Variants in ACOXL observed in about 807,000 individuals in gnomAD.
ACOXL encodes the protein acyl-CoA oxidase like.
A neutral mutation model predicts 71.9 loss-of-function variants in ACOXL; 70 were observed. The observed-to-expected ratio is 0.97, with a 90% CI of 0.80 to 1.19. ACOXL has a LOEUF of 1.19. Ranked by LOEUF, ACOXL falls within the 50% of genes most tolerant of loss-of-function variation. ACOXL has a pLI of 0.00. For synonymous variants in ACOXL, 253 were observed against 281.6 expected (o/e 0.90, Z 1.02); for missense variants, 703 against 736.3 (o/e 0.95, Z 0.52).
At chr2:110,832,499 C>G (rs1427838709) in intron 9 of ACOXL, among the ~76,000 whole-genome samples, 3 of 147,908 alleles carry the variant, frequency 2.0e-5, no homozygotes, top group Non-Finnish European at 4.4e-5. Flanking sequence ...GATTGCGCCA[C>G]TGCAGTCCGC....
chr2:110,861,634 A>C (rs1040823732), intron 10 of ACOXL, among the ~76,000 whole-genome samples: 49 of 152,212 alleles, frequency 3.2e-4, no homozygotes, highest in African/African-American at 1.1e-3. Flanking sequence ...GAATTTCAAA[A>C]CACGGGGTTA....
chr2:111,074,288 C>T (rs1168766204), intron 16 of ACOXL, among the ~76,000 whole-genome samples: 1 of 149,962 alleles, frequency 6.7e-6, no homozygotes, highest in Non-Finnish European at 1.5e-5. Flanking sequence ...CTAGGATTTT[C>T]AGTATGTGAT....
At chr2:110,878,979 C>A (rs1207185359) in intron 10 of ACOXL, among the ~76,000 whole-genome samples, 2 of 151,764 alleles carry the variant, frequency 1.3e-5, no homozygotes, top group African/African-American at 4.8e-5. Context: ...ATTGCTTCAT[C>A]CCGGGAGGCG....
chr2:110,828,163 G>A (rs532846657), intron 9 of ACOXL, among the ~76,000 whole-genome samples: 1 of 152,054 alleles, frequency 6.6e-6, no homozygotes, highest in Non-Finnish European at 1.5e-5. Context: ...GAAGAGACAG[G>A]GTCTTACTAT....
intron 9 of ACOXL, among the ~76,000 whole-genome samples, chr2:110,823,918 GC>G (rs1688900251): frequency 6.6e-6 from 1 of 152,068 alleles, no homozygotes; most frequent in East Asian, 1.9e-4. Flanking sequence ...CCAATCTCTG[GC>G]TTTTTATTGT....
intron 16 of ACOXL, among the ~76,000 whole-genome samples, chr2:111,051,745 C>T (rs528483007): frequency 2.9e-4 from 44 of 152,328 alleles, no homozygotes; most frequent in African/African-American, 1.0e-3. Flanking sequence ...GCTGGGATTA[C>T]AGACATACGC....
Position 110,887,422 on chromosome 2 carries a change from T to C in ACOXL, c.789-21367T>C, listed in dbSNP as rs994966327. Reference sequence around the variant, plus strand: ...TTATCCAATTACTAGAGGCCATTCCTAGCATTTCAACTTGGGGAATTAATT... The same window carrying C: ...TTATCCAATTACTAGAGGCCATTCCCAGCATTTCAACTTGGGGAATTAATT... On this transcript the variant is annotated intron_variant, in intron 10 of 17. Transcript: ENST00000439055. 4 of 152,372 alleles carry C rather than the reference T, an allele frequency of 2.6e-5. No individual in the cohort carries two copies. The East Asian group carries it at 7.7e-4, about 29-fold the overall frequency. The allele number at this position is 152,372 out of a possible 1,614,324, so 9.4% of individuals were successfully genotyped here. A position where few individuals can be genotyped will look rare whatever the true frequency, so the allele number is the denominator to read the frequency against.
intron 12 of ACOXL, among the ~76,000 whole-genome samples, chr2:110,948,668 T>G (rs1204205230): frequency 8.0e-6 from 1 of 124,598 alleles, no homozygotes; most frequent in Non-Finnish European, 1.6e-5. Context: ...CTAAGACCAC[T>G]CAGGAGCCAG....
intron 1 of ACOXL, among the ~76,000 whole-genome samples, chr2:110,763,792 C>T (rs547025315): frequency 2.4e-4 from 36 of 152,242 alleles, no homozygotes; most frequent in East Asian, 7.7e-4. Context: ...CACATAGACA[C>T]GTCTAATATA....
Position 111,080,630 on chromosome 2 carries a change from G to A in ACOXL, c.1441-12235G>A, listed in dbSNP as rs887932211. On this transcript the variant is annotated intron_variant, in intron 16 of 17. Coordinates refer to ENST00000439055, the MANE Select transcript of ACOXL (RefSeq NM_001142807.4). ...GGTACCGTTCCTTCTGAAACTATTC[G>A]GAATAGTAGAAAAAGAGGGACTCTC... 9.2e-5 allele frequency among the ~76,000 whole-genome samples: 14 copies of A among 152,160 alleles called. No homozygotes were observed. The South Asian group carries it at 1.9e-3, about 20-fold the overall frequency.
At chr2:111,051,009 G>A (rs2066265436) in intron 16 of ACOXL, among the ~76,000 whole-genome samples, 1 of 152,170 alleles carries the variant, frequency 6.6e-6, no homozygotes, top group African/African-American at 2.4e-5. Flanking sequence ...GAATTTGCGT[G>A]ACCTCCAGTG....
chr2:110,869,480 T>C (rs1469817907), intron 10 of ACOXL, among the ~76,000 whole-genome samples: 1 of 152,186 alleles, frequency 6.6e-6, no homozygotes, highest in East Asian at 1.9e-4. Flanking sequence ...ATGGCAAATG[T>C]GTGGTGGGTG....
intron 2 of ACOXL, among the ~76,000 whole-genome samples, chr2:110,772,294 C>G (rs758876192): frequency 2.0e-5 from 3 of 152,174 alleles, no homozygotes; most frequent in African/African-American, 7.2e-5. Flanking sequence ...AGACAACTTT[C>G]AAAACTCCTG....
At chr2:111,028,929 G>A (rs2065138986) in intron 14 of ACOXL, among the ~76,000 whole-genome samples, 1 of 152,204 alleles carries the variant, frequency 6.6e-6, no homozygotes, top group Non-Finnish European at 1.5e-5. Context: ...TCCATTGGGA[G>A]GCAGTGTAGC....
In ACOXL at chr2:110,969,071, C is replaced by T. The variant is rs1411255346; in HGVS notation, c.1060-18037C>T. 2.0e-5 allele frequency among the ~76,000 whole-genome samples: 3 copies of T among 152,018 alleles called. No homozygotes were observed. The East Asian group carries it at 5.8e-4, about 29-fold the overall frequency. Reference sequence around the variant, plus strand: ...AATTAAGCAACATGCTTAAAATAATCCATAGGTTATATAGGAAATTTTAAT... The same window carrying T: ...AATTAAGCAACATGCTTAAAATAATTCATAGGTTATATAGGAAATTTTAAT... On this transcript the variant is annotated intron_variant, in intron 12 of 17. Coordinates refer to ENST00000439055, the MANE Select transcript of ACOXL (RefSeq NM_001142807.4).
Position 110,742,325 on chromosome 2 carries a change from A to G in ACOXL, c.-23+9551A>G, listed in dbSNP as rs571792454. On this transcript the variant is annotated intron_variant, in intron 1 of 17. Coordinates refer to ENST00000439055, the MANE Select transcript of ACOXL (RefSeq NM_001142807.4). ...TGTGACTTTATTAAGGGGCATTGTCAACCTCTTAGATCACTTTCCTCAACC... is the reference window on the plus strand; with the variant it reads ...TGTGACTTTATTAAGGGGCATTGTCGACCTCTTAGATCACTTTCCTCAACC... Among the ~76,000 whole-genome samples, 22 of 152,364 alleles carry G rather than the reference A, an allele frequency of 1.4e-4. No individual in the cohort carries two copies. In the South Asian group the frequency reaches 3.5e-3, roughly 24 times the overall value.
intron 17 of ACOXL, among the ~76,000 whole-genome samples, chr2:111,096,224 A>AATTATTATTATTATT (rs67800488): frequency 1.1e-3 from 159 of 145,264 alleles, no homozygotes; most frequent in African/African-American, 2.6e-3. Flanking sequence ...TTATTTTTAA[A>AATTATTATTATTATT]ATTATTATTA....
chr2:110,901,015 C>G (rs1247871423), intron 10 of ACOXL, among the ~76,000 whole-genome samples: 1 of 152,204 alleles, frequency 6.6e-6, no homozygotes, highest in Non-Finnish European at 1.5e-5. Flanking sequence ...GCAGCCTGAT[C>G]CTAATCCTGT....
intron 11 of ACOXL, among the ~76,000 whole-genome samples, chr2:110,918,690 T>G (rs1298859336): frequency 6.6e-6 from 1 of 151,902 alleles, no homozygotes; most frequent in Non-Finnish European, 1.5e-5. Context: ...ACAAAGAACT[T>G]AAACAAATTT....
Sources: gnomAD v4.1 joint callset for allele counts (sites outside exome capture counted in the v4.1 genomes callset) on GRCh38, gnomAD v4.1.1 for gene constraint, MANE v1.5 for transcripts, NCBI Gene and HGNC (gene_info 2026-07-23, HGNC 2026-07-21) for gene names.